CELF4: variants seen among roughly 807,000 people sequenced by gnomAD.
The protein encoded by CELF4 is CUGBP Elav-like family member 4, also known as CUG-BP- and ETR-3-like factor 4.
CELF4 carries 18 observed loss-of-function variants against 59.9 expected under a neutral mutation model. The observed-to-expected ratio is 0.30, with a 90% CI of 0.21 to 0.45. The LOEUF (loss-of-function observed/expected upper bound fraction) is 0.45, where lower values mean the gene tolerates loss of function less well. Ranked by LOEUF, CELF4 falls within the 20% of genes least tolerant of loss-of-function variation. The pLI, the probability that CELF4 is intolerant of heterozygous loss-of-function variation, is 1.00. For missense variants in CELF4, 456 were observed against 689.0 expected (o/e 0.66, Z 3.79); for synonymous variants, 261 against 267.1 (o/e 0.98, Z 0.22).
chr18:37,499,252 C>T (rs896146045), intron 1 of CELF4, among the ~76,000 whole-genome samples: 1 of 152,092 alleles, frequency 6.6e-6, no homozygotes, highest in African/African-American at 2.4e-5. Context: ...ATGCTAATGA[C>T]AGGAGGCGGT....
intron 11 of CELF4, among the ~76,000 whole-genome samples, chr18:37,258,276 T>G: frequency 7.2e-6 from 1 of 138,080 alleles, no homozygotes; most frequent in Non-Finnish European, 1.5e-5. Flanking sequence ...CCCCTCTGCA[T>G]AGTGGAAACC....
chr18:37,356,965 G>T (rs2098599604), intron 2 of CELF4, among the ~76,000 whole-genome samples: 1 of 152,104 alleles, frequency 6.6e-6, no homozygotes, highest in South Asian at 2.1e-4. Context: ...TGCCCCTTTT[G>T]CAGGATCCCA....
At chr18:37,459,834 C>A (rs1001825893) in intron 2 of CELF4, among the ~76,000 whole-genome samples, 3 of 152,194 alleles carry the variant, frequency 2.0e-5, no homozygotes, top group Non-Finnish European at 4.4e-5. Flanking sequence ...AGACTTTGGA[C>A]ACTCAGCCCC....
Position 37,423,064 on chromosome 18 carries a change from G to GCA in CELF4, c.369+62459_369+62460dup, listed in dbSNP as rs10654318. 2.1e-3 allele frequency among the ~76,000 whole-genome samples: 316 copies of GCA among 150,494 alleles called. 1 individual carries two copies. The highest frequency in any genetic ancestry group is 3.8e-3 in the African/African-American group (155 of 41,014). On this transcript the variant is annotated intron_variant, in intron 2 of 12. Coordinates refer to ENST00000420428, the MANE Select transcript of CELF4 (RefSeq NM_020180.4). ...TACACATAGACACATGCGCGCGCGCGCACACACACACACACACAGAGACAG... is the reference window on the plus strand; with the variant it reads ...TACACATAGACACATGCGCGCGCGCGCACACACACACACACACACAGAGACAG...
At chr18:37,264,211 A>C (rs1236292237) in intron 10 of CELF4, among the ~76,000 whole-genome samples, 1 of 152,240 alleles carries the variant, frequency 6.6e-6, no homozygotes, top group Non-Finnish European at 1.5e-5. Flanking sequence ...GTCAAGGACA[A>C]GGCCTGCACT....
At chr18:37,501,010 C>G (rs976299021) in intron 1 of CELF4, among the ~76,000 whole-genome samples, 1 of 152,208 alleles carries the variant, frequency 6.6e-6, no homozygotes, top group African/African-American at 2.4e-5. Context: ...AGGTGTGGGG[C>G]TGATCAGAGG....
chr18:37,265,013 G>A (rs201004352), intron 9 of CELF4, among the ~76,000 whole-genome samples: 9 of 151,788 alleles, frequency 5.9e-5, no homozygotes, highest in East Asian at 5.8e-4. Context: ...ATGCATGTAC[G>A]TGTGGGGATG....
intron 1 of CELF4, among the ~76,000 whole-genome samples, chr18:37,555,818 T>C (rs999595081): frequency 6.6e-6 from 1 of 152,162 alleles, no homozygotes; most frequent in African/African-American, 2.4e-5. Flanking sequence ...CCTGTGAAAA[T>C]TGACCTTTGT....
intron 1 of CELF4, among the ~76,000 whole-genome samples, chr18:37,499,891 G>T (rs1401770894): frequency 1.3e-5 from 2 of 152,198 alleles, no homozygotes; most frequent in East Asian, 3.9e-4. Flanking sequence ...AATGAGTGGA[G>T]GAGTGGGGCA....
chr18:37,541,200 C>T (rs985219449), intron 1 of CELF4, among the ~76,000 whole-genome samples: 2 of 152,082 alleles, frequency 1.3e-5, no homozygotes, highest in African/African-American at 2.4e-5. Context: ...ATTCCACCTG[C>T]CTTCCTAATG....
chr18:37,491,299 CAGCAG>C (rs371822873), intron 1 of CELF4, among the ~76,000 whole-genome samples: 2 of 152,150 alleles, frequency 1.3e-5, no homozygotes, highest in African/African-American at 4.8e-5. Flanking sequence ...CTCCTCTGGC[CAGCAG>C]AGACCTGCCT....
chr18:37,259,513 T>C (rs1026185918), intron 10 of CELF4, among the ~76,000 whole-genome samples: 1 of 152,186 alleles, frequency 6.6e-6, no homozygotes, highest in Non-Finnish European at 1.5e-5. Context: ...AGTTGCCTTT[T>C]CTATAAAATG....
rs562999878 is a variant in CELF4 at position 37,452,485 on chromosome 18, G to A, written c.369+33040C>T. On this transcript the variant is annotated intron_variant, in intron 2 of 12. Coordinates refer to ENST00000420428, the MANE Select transcript of CELF4 (RefSeq NM_020180.4). The stretch of plus-strand genomic sequence containing the variant: ...TTTCTCTTTCCCTGGGCTGTCAGAC[G>A]CCAGCACCTCCTGCCTGGGGTAGGG... 4.6e-5 allele frequency among the ~76,000 whole-genome samples: 7 copies of A among 152,158 alleles called. 1 individual carries two copies. Among genetic ancestry groups the A allele is most frequent in the South Asian group, 2.1e-4 (1 of 4,818 alleles).
intron 2 of CELF4, among the ~76,000 whole-genome samples, chr18:37,377,806 G>T (rs1250851762): frequency 6.6e-6 from 1 of 152,110 alleles, no homozygotes; most frequent in Non-Finnish European, 1.5e-5. Flanking sequence ...TTCGTTCTGG[G>T]GCAGGGCTGA....
chr18:37,284,026 C>A (rs1440785620), intron 3 of CELF4, among the ~76,000 whole-genome samples: 2 of 145,846 alleles, frequency 1.4e-5, no homozygotes, highest in African/African-American at 2.5e-5. Flanking sequence ...GCACACACAC[C>A]CAACACACAC....
chr18:37,437,503 G>A (rs956947595), intron 2 of CELF4, among the ~76,000 whole-genome samples: 1 of 152,142 alleles, frequency 6.6e-6, no homozygotes, highest in African/African-American at 2.4e-5. Flanking sequence ...TATGGAAACT[G>A]GGGGAATGGG....
intron 12 of CELF4, chr18:37,247,635 A>G (rs111921794): frequency 0.013 from 1,991 of 152,158 alleles, 34 homozygotes; most frequent in South Asian, 0.063. Context: ...ACACACACGC[A>G]CACACACACG....
At chr18:37,377,845 A>T (rs2098988683) in intron 2 of CELF4, among the ~76,000 whole-genome samples, 1 of 152,008 alleles carries the variant, frequency 6.6e-6, no homozygotes, top group South Asian at 2.1e-4. Context: ...GGTTTCTGGG[A>T]TATGGAAGGG....
chr18:37,564,883 C>G (rs1192998892), intron 1 of CELF4, among the ~76,000 whole-genome samples: 1 of 152,118 alleles, frequency 6.6e-6, no homozygotes, highest in Non-Finnish European at 1.5e-5. Context: ...CGGCTGCGCT[C>G]CTGCTACTCT....
Sources: gnomAD v4.1 joint callset for allele counts (sites outside exome capture counted in the v4.1 genomes callset) on GRCh38, gnomAD v4.1.1 for gene constraint, MANE v1.5 for transcripts, NCBI Gene and HGNC (gene_info 2026-07-23, HGNC 2026-07-21) for gene names.